The following DNAJC1 variants were observed in gnomAD, a reference collection of about 807,000 sequenced individuals.
DNAJC1 encodes DnaJ heat shock protein family (Hsp40) member C1.
In DNAJC1, 58 loss-of-function variants were observed where a neutral mutation model predicts 76.6. The ratio of observed to expected loss-of-function variants is 0.76; its 90% confidence interval spans 0.61 to 0.94. DNAJC1 has a LOEUF of 0.94. DNAJC1 is among the 40% of genes least tolerant of loss of function. The pLI is 0.00. For synonymous variants in DNAJC1, 258 were observed against 267.9 expected, an observed-to-expected ratio of 0.96 and a Z score of 0.36; for missense variants, 689 against 677.3, an observed-to-expected ratio of 1.02 and a Z score of -0.19.
chr10:21,764,522 G>A (rs1834273864), intron 10 of DNAJC1, among the ~76,000 whole-genome samples: 1 of 152,144 alleles, frequency 6.6e-6, no homozygotes, highest in Non-Finnish European at 1.5e-5. Context: ...CCCTGTGCTA[G>A]CCTATTAAGC....
chr10:21,903,334 CAA>C (rs1159043892), intron 7 of DNAJC1, among the ~76,000 whole-genome samples: 1 of 152,150 alleles, frequency 6.6e-6, no homozygotes, highest in African/African-American at 2.4e-5. Flanking sequence ...ATAAAAATGA[CAA>C]GAGTTTCATT....
chr10:21,920,956 C>T lies in DNAJC1; in HGVS notation c.379G>A (p.Asp127Asn), dbSNP rs149825372. Residue 127 changes from aspartate (D) to asparagine (N), a missense_variant, in exon 4 of 12, where the codon GAT becomes AAT. Physicochemically the swap from Asp to Asn is conservative, Grantham distance 23. Transcript: ENST00000376980. ...KDDERRQRYD[D>N]ILINGLPDWR... ...TCTGGAAGTCCATTGATCAGAATATCATCATACCTACAGTACAAATATAAC... is the reference window on the plus strand; with the variant it reads ...TCTGGAAGTCCATTGATCAGAATATTATCATACCTACAGTACAAATATAAC... 1.2e-3 allele frequency: 2,000 copies of T among 1,606,264 alleles called. No homozygotes were observed. Among genetic ancestry groups the T allele is most frequent in the Non-Finnish European group, 1.5e-3 (1,807 of 1,175,664 alleles).
At chr10:21,979,516 C>T (rs1281516968) in intron 1 of DNAJC1, among the ~76,000 whole-genome samples, 4 of 151,966 alleles carry the variant, frequency 2.6e-5, no homozygotes, top group South Asian at 2.1e-4. Context: ...AGATTTTGAA[C>T]GCTGTACCTC....
intron 8 of DNAJC1, among the ~76,000 whole-genome samples, chr10:21,829,695 G>A (rs972754016): frequency 5.3e-5 from 8 of 152,186 alleles, no homozygotes; most frequent in Non-Finnish European, 8.8e-5. Context: ...TGCTTTAAAT[G>A]TCTCTCCTGT....
chr10:21,880,130 A>C (rs1395745357), intron 8 of DNAJC1, among the ~76,000 whole-genome samples: 2 of 152,198 alleles, frequency 1.3e-5, no homozygotes, highest in African/African-American at 2.4e-5. Context: ...ACAACTCCTT[A>C]TCTCTTCAAG....
At position 21,798,201 on chromosome 10, in the gene DNAJC1, C is replaced by T. The variant is rs184107393; in HGVS notation, c.1098+7779G>A. On this transcript the variant is annotated intron_variant, in intron 9 of 11. Coordinates refer to ENST00000376980, the MANE Select transcript of DNAJC1 (RefSeq NM_022365.4). The stretch of plus-strand genomic sequence containing the variant: ...GCATCTAATCTCTTTCCCACCTCTA[C>T]CAACAACCTCTAGTCCAAAACCACC... Among the ~76,000 whole-genome samples, 6 of 152,316 alleles carry T rather than the reference C, an allele frequency of 3.9e-5. No homozygotes were observed. In the East Asian group the frequency reaches 9.6e-4, roughly 24 times the overall value.
chr10:21,941,446 T>C (rs1837410093), intron 1 of DNAJC1, among the ~76,000 whole-genome samples: 1 of 152,052 alleles, frequency 6.6e-6, no homozygotes, highest in African/African-American at 2.4e-5. Context: ...TTGGATGGGA[T>C]AATAGTATCC....
intron 1 of DNAJC1, among the ~76,000 whole-genome samples, chr10:21,975,309 A>T (rs1295638404): frequency 6.6e-6 from 1 of 152,062 alleles, no homozygotes; most frequent in Non-Finnish European, 1.5e-5. Flanking sequence ...AGAAAAAAAT[A>T]AGCTGCAATA....
In DNAJC1 at chr10:22,003,364, G is replaced by A; in HGVS notation, c.71C>T (p.Pro24Leu). 1.4e-6 allele frequency: 2 copies of A among 1,410,956 alleles called. No individual in the cohort carries two copies. Among genetic ancestry groups the A allele is most frequent in the African/African-American group, 3.0e-5 (2 of 66,018 alleles). The allele number at this position is 1,410,956 out of a possible 1,614,324, so 87.4% of individuals were successfully genotyped here. The change falls in exon 1 of 12, where the codon CCG (proline) becomes CTG (leucine). Residue 24 changes from proline (P) to leucine (L), a missense_variant. Transcript: ENST00000376980. ...RRQLGLVPFP[P>L]PPPRTPLLWL... ...CAGCAGCGGCGTCCGCGGCGGCGGC[G>A]GCGGGAACGGCACCAGCCCGAGCTG...
chr10:21,881,499 G>T (rs1836276824), intron 8 of DNAJC1, among the ~76,000 whole-genome samples: 1 of 152,014 alleles, frequency 6.6e-6, no homozygotes, highest in Non-Finnish European at 1.5e-5. Flanking sequence ...GTTATTAATT[G>T]ACCTAATTTC....
intron 1 of DNAJC1, among the ~76,000 whole-genome samples, chr10:21,938,346 TAAAA>T (rs74419481): frequency 6.9e-6 from 1 of 144,336 alleles, no homozygotes; most frequent in Non-Finnish European, 1.5e-5. Context: ...TAAACACACT[TAAAA>T]AAAAAAAAGA....
intron 1 of DNAJC1, among the ~76,000 whole-genome samples, chr10:21,972,711 C>T (rs952028322): frequency 3.3e-5 from 5 of 151,982 alleles, no homozygotes; most frequent in Admixed American, 6.5e-5. Flanking sequence ...TAGGAGGTTA[C>T]AGCCATGATT....
chr10:21,996,983 ATC>A (rs1447786239), intron 1 of DNAJC1, among the ~76,000 whole-genome samples: 1 of 152,232 alleles, frequency 6.6e-6, no homozygotes, highest in Non-Finnish European at 1.5e-5. Flanking sequence ...GATTCTGTGT[ATC>A]TCTTTCTCCA....
At chr10:21,993,417 T>C (rs901053178) in intron 1 of DNAJC1, among the ~76,000 whole-genome samples, 1 of 152,314 alleles carries the variant, frequency 6.6e-6, no homozygotes, top group East Asian at 1.9e-4. Flanking sequence ...TATCTCAGCA[T>C]GCTTGCAGCA....
chr10:21,772,428 G>T (rs924482183), intron 9 of DNAJC1, among the ~76,000 whole-genome samples: 1 of 151,558 alleles, frequency 6.6e-6, no homozygotes, highest in South Asian at 2.1e-4. Context: ...TATTAAAATG[G>T]TCTGTTTCTG....
chr10:21,993,383 A>G (rs1838359109), intron 1 of DNAJC1, among the ~76,000 whole-genome samples: 1 of 152,204 alleles, frequency 6.6e-6, no homozygotes, highest in South Asian at 2.1e-4. Flanking sequence ...GAAACTGTTA[A>G]GGCTGCTCAA....
intron 7 of DNAJC1, among the ~76,000 whole-genome samples, chr10:21,895,767 T>C (rs1836531383): frequency 6.6e-6 from 1 of 152,198 alleles, no homozygotes; most frequent in Admixed American, 6.5e-5. Flanking sequence ...TTATCTGTGC[T>C]GCCCTTCTCA....
intron 1 of DNAJC1, 82 bp downstream of exon 1, chr10:22,003,131 G>T: frequency 7.3e-7 from 1 of 1,376,664 alleles, no homozygotes; most frequent in Non-Finnish European, 9.4e-7. Context: ...TGCCCTACGT[G>T]TCCGGCTGTC....
chr10:21,925,469 C>T (rs1837112294), intron 3 of DNAJC1, among the ~76,000 whole-genome samples: 1 of 152,148 alleles, frequency 6.6e-6, no homozygotes, highest in African/African-American at 2.4e-5. Context: ...AACATATGTC[C>T]ATCTGAAGAT....
Sources: allele counts gnomAD v4.1 joint callset (sites outside exome capture counted in the v4.1 genomes callset), GRCh38; gene constraint gnomAD v4.1.1; transcripts MANE v1.5; gene names NCBI Gene and HGNC (gene_info 2026-07-23, HGNC 2026-07-21).